BBS9: variants seen among roughly 807,000 people sequenced by gnomAD.
The protein encoded by BBS9 is Bardet-Biedl syndrome 9.
In BBS9, 89 loss-of-function variants were observed where a neutral mutation model predicts 117.7. The observed-to-expected ratio is 0.76, with a 90% CI of 0.64 to 0.90. The LOEUF (loss-of-function observed/expected upper bound fraction) is 0.90, where lower values mean the gene tolerates loss of function less well. Among genes scored for constraint, BBS9 ranks in the 40% least tolerant of loss-of-function variants. The pLI is 0.00. For synonymous variants in BBS9, 379 were observed against 370.9 expected (o/e 1.02, Z -0.25); for missense variants, 982 against 1,042.2 (o/e 0.94, Z 0.80).
At chr7:33,462,937 A>C (rs1260092938) in intron 19 of BBS9, among the ~76,000 whole-genome samples, 1 of 152,144 alleles carries the variant, frequency 6.6e-6, no homozygotes, top group Non-Finnish European at 1.5e-5. Flanking sequence ...TGAGTAGATT[A>C]ACTACAATCA....
At position 33,385,987 on chromosome 7, in the gene BBS9, G is replaced by T. The variant is rs549843255; in HGVS notation, c.1963-2005G>T. On this transcript the variant is annotated intron_variant, in intron 18 of 22. Coordinates refer to ENST00000242067, the MANE Select transcript of BBS9 (RefSeq NM_198428.3). ...CACACACCGGGGCCTGTTGTGGGGT[G>T]GGGGGAGCGGAGAGGGATAGCATTA... 1.2e-4 allele frequency among the ~76,000 whole-genome samples: 18 copies of T among 152,214 alleles called. 1 individual carries two copies. The South Asian group carries it at 2.1e-3, about 18-fold the overall frequency.
At chr7:33,402,195 C>T (rs115875063) in intron 19 of BBS9, among the ~76,000 whole-genome samples, 1 of 152,134 alleles carries the variant, frequency 6.6e-6, no homozygotes, top group Non-Finnish European at 1.5e-5. Flanking sequence ...CCAAGACCTT[C>T]AAGGGGATCC....
At chr7:33,284,450 T>C (rs150683821) in intron 9 of BBS9, among the ~76,000 whole-genome samples, 76 of 152,294 alleles carry the variant, frequency 5.0e-4, no homozygotes, top group African/African-American at 1.8e-3. Flanking sequence ...TTATGTTTGA[T>C]TGCTTGTAGA....
intron 5 of BBS9, among the ~76,000 whole-genome samples, chr7:33,208,966 CTT>C (rs1330225058): frequency 6.6e-6 from 1 of 152,128 alleles, no homozygotes; most frequent in African/African-American, 2.4e-5. Context: ...CAATTAGACT[CTT>C]TTAGTTATTT....
At position 33,357,920 on chromosome 7, in the gene BBS9, C is replaced by G; in HGVS notation, c.1618C>G (p.Pro540Ala). 2 of 1,612,180 alleles carry G rather than the reference C, an allele frequency of 1.2e-6. No homozygotes were observed. Among genetic ancestry groups the G allele is most frequent in the Non-Finnish European group, 1.7e-6 (2 of 1,178,620 alleles). ...PLKLICLPGQ[P>A]SKTASHKITI... The stretch of plus-strand genomic sequence containing the variant: ...AAAGTTAATTTGCCTACCAGGTCAG[C>G]CTTCAAAAACTGCAAGCCACAAAAT... Residue 540 changes from proline to alanine, a missense_variant, in exon 16 of 23, where the codon CCT becomes GCT. Pro to Ala is a conservative substitution (Grantham distance 27). Coordinates refer to ENST00000242067, the MANE Select transcript of BBS9 (RefSeq NM_198428.3).
At chr7:33,488,985 CTTCT>C (rs1411341627) in intron 19 of BBS9, among the ~76,000 whole-genome samples, 1 of 135,992 alleles carries the variant, frequency 7.4e-6, no homozygotes, top group Non-Finnish European at 1.5e-5. Context: ...TCAGGACAGA[CTTCT>C]TTTTTTTTTT....
At chr7:33,207,262 G>T (rs555217241) in intron 5 of BBS9, among the ~76,000 whole-genome samples, 2 of 152,228 alleles carry the variant, frequency 1.3e-5, no homozygotes, top group East Asian at 3.9e-4. Flanking sequence ...ATTCTTGCCT[G>T]CAATAATCTT....
At chr7:33,236,391 G>A (rs1449228950) in intron 5 of BBS9, among the ~76,000 whole-genome samples, 3 of 150,822 alleles carry the variant, frequency 2.0e-5, no homozygotes, top group Admixed American at 2.0e-4. Flanking sequence ...AATTACGACT[G>A]TGGATGTTGT....
At chr7:33,408,419 G>A (rs1459379246) in intron 19 of BBS9, among the ~76,000 whole-genome samples, 7 of 151,988 alleles carry the variant, frequency 4.6e-5, no homozygotes, top group African/African-American at 7.2e-5. Context: ...CCCTGCTTTC[G>A]CTGGTGCACG....
intron 19 of BBS9, among the ~76,000 whole-genome samples, chr7:33,462,358 A>G (rs1035457698): frequency 1.3e-5 from 2 of 152,098 alleles, no homozygotes; most frequent in African/African-American, 4.8e-5. Flanking sequence ...TTTGACAAGA[A>G]ATATAATGTC....
chr7:33,351,643 T>C (rs934256723), intron 14 of BBS9, among the ~76,000 whole-genome samples: 1 of 152,134 alleles, frequency 6.6e-6, no homozygotes, highest in African/African-American at 2.4e-5. Context: ...TGATGCAGGA[T>C]TTTTGCTCCT....
At chr7:33,362,534 T>C (rs1478838583) in intron 16 of BBS9, among the ~76,000 whole-genome samples, 1 of 152,230 alleles carries the variant, frequency 6.6e-6, no homozygotes, top group Non-Finnish European at 1.5e-5. Flanking sequence ...TTCCACTGAA[T>C]TGCCTTTTCA....
intron 19 of BBS9, among the ~76,000 whole-genome samples, chr7:33,437,974 T>G (rs1835560905): frequency 6.6e-6 from 1 of 152,226 alleles, no homozygotes; most frequent in African/African-American, 2.4e-5. Flanking sequence ...TGTTAAGTTT[T>G]GAAATATAGA....
chr7:33,437,658 G>A (rs1835503742), intron 19 of BBS9, among the ~76,000 whole-genome samples: 1 of 152,088 alleles, frequency 6.6e-6, no homozygotes, highest in African/African-American at 2.4e-5. Flanking sequence ...CGGATCACCT[G>A]AGGTCAGGAG....
chr7:33,296,079 G>T (rs188429990), intron 9 of BBS9, among the ~76,000 whole-genome samples: 1 of 151,904 alleles, frequency 6.6e-6, no homozygotes, highest in African/African-American at 2.4e-5. Flanking sequence ...CTACTTATAC[G>T]TTGAAATACA....
At chr7:33,365,401 A>C (rs1184244090) in intron 16 of BBS9, among the ~76,000 whole-genome samples, 1 of 152,196 alleles carries the variant, frequency 6.6e-6, no homozygotes, top group Admixed American at 6.5e-5. Flanking sequence ...GGGCATAGCA[A>C]TGTAAACTGT....
chr7:33,398,475 A>G (rs1828374943), intron 19 of BBS9, among the ~76,000 whole-genome samples: 1 of 152,258 alleles, frequency 6.6e-6, no homozygotes, highest in African/African-American at 2.4e-5. Flanking sequence ...TTTCTCAGCC[A>G]AACAAGAGCA....
chr7:33,367,547 A>G (rs1472590775), intron 16 of BBS9, among the ~76,000 whole-genome samples: 1 of 152,232 alleles, frequency 6.6e-6, no homozygotes, highest in African/African-American at 2.4e-5. Context: ...AACCATTAGA[A>G]TAAATGAAAT....
intron 9 of BBS9, among the ~76,000 whole-genome samples, chr7:33,323,445 T>C (rs1300384528): frequency 6.6e-6 from 1 of 152,172 alleles, no homozygotes; most frequent in Non-Finnish European, 1.5e-5. Context: ...TTACAATTTT[T>C]ATATCTTCTG....
Sources: allele counts gnomAD v4.1 joint callset (sites outside exome capture counted in the v4.1 genomes callset), GRCh38; gene constraint gnomAD v4.1.1; transcripts MANE v1.5; gene names NCBI Gene and HGNC (gene_info 2026-07-23, HGNC 2026-07-21).